Variants in MRTFB observed in about 807,000 individuals in gnomAD.
MRTFB encodes myocardin-related transcription factor B.
A neutral mutation model predicts 104.2 loss-of-function variants in MRTFB; 29 were observed. That is an observed-to-expected ratio of 0.28 (90% CI 0.21 to 0.38). The LOEUF is 0.38. Ranked by LOEUF, MRTFB falls within the 10% of genes least tolerant of loss-of-function variation. MRTFB has a pLI of 1.00. For synonymous variants in MRTFB, 535 were observed against 519.5 expected (o/e 1.03, Z -0.41); for missense variants, 1,270 against 1,341.6 (o/e 0.95, Z 0.83).
At chr16:14,201,830 A>G (rs1291612761) in intron 3 of MRTFB, among the ~76,000 whole-genome samples, 1 of 152,182 alleles carries the variant, frequency 6.6e-6, no homozygotes, top group African/African-American at 2.4e-5. Flanking sequence ...TTTTCTTGCT[A>G]TAATGGGGAT....
At chr16:14,080,509 T>A (rs779562497) in intron 2 of MRTFB, among the ~76,000 whole-genome samples, 4 of 152,226 alleles carry the variant, frequency 2.6e-5, no homozygotes, top group African/African-American at 4.8e-5. Context: ...TTACTCTCTT[T>A]GTATTTACTC....
At chr16:14,016,938 C>T in the MRTFB span, among the ~76,000 whole-genome samples, 1 of 151,978 alleles carries the variant, frequency 6.6e-6, no homozygotes, top group African/African-American at 2.4e-5. Flanking sequence ...CTGAGTATGT[C>T]ATTTAGTTTA....
chr16:14,086,593 A>G (rs993444358), intron 2 of MRTFB, among the ~76,000 whole-genome samples: 1 of 152,122 alleles, frequency 6.6e-6, no homozygotes. Flanking sequence ...GGCTGATGGT[A>G]TAATCTTGTA....
At chr16:14,141,845 T>G (rs542323907) in intron 3 of MRTFB, 2 of 152,018 alleles carry the variant, frequency 1.3e-5, no homozygotes, top group African/African-American at 2.4e-5. Flanking sequence ...ATAGGTGTTT[T>G]TTTTTTTTTT....
intron 2 of MRTFB, among the ~76,000 whole-genome samples, chr16:14,126,919 C>T (rs1414591817): frequency 6.6e-6 from 1 of 152,160 alleles, no homozygotes; most frequent in Non-Finnish European, 1.5e-5. Flanking sequence ...AGGAAACAAC[C>T]GTAGCTAAAA....
the MRTFB span, among the ~76,000 whole-genome samples, chr16:14,052,351 A>G: frequency 9.2e-5 from 14 of 152,310 alleles, no homozygotes; most frequent in African/African-American, 3.4e-4. Context: ...AGAATGTGTA[A>G]TGATCACATC....
chr16:14,006,419 G>A, the MRTFB span, among the ~76,000 whole-genome samples: 12 of 151,880 alleles, frequency 7.9e-5, no homozygotes, highest in Non-Finnish European at 1.3e-4. Context: ...CGGAGGCTGA[G>A]GCATAAGAAT....
the MRTFB span, among the ~76,000 whole-genome samples, chr16:14,017,200 G>T: frequency 2.0e-5 from 3 of 151,820 alleles, no homozygotes; most frequent in Admixed American, 6.6e-5. Flanking sequence ...GGGACTACAG[G>T]CGCCCGCCAC....
chr16:14,159,367 C>G (rs1315522605), intron 3 of MRTFB, among the ~76,000 whole-genome samples: 1 of 152,132 alleles, frequency 6.6e-6, no homozygotes, highest in Admixed American at 6.6e-5. Flanking sequence ...TTAAAAATTT[C>G]TCTAGTAGAA....
intron 3 of MRTFB, chr16:14,151,386 C>T (rs977694768): frequency 6.6e-6 from 1 of 152,126 alleles, no homozygotes; most frequent in Admixed American, 6.6e-5. Context: ...AATTTTCACA[C>T]ATCTCCAAAA....
At chr16:14,243,864 G>GTTTGTTTTTTTGTTTTTTTTTTTTTT (rs750881308) in intron 10 of MRTFB, among the ~76,000 whole-genome samples, 1 of 124,676 alleles carries the variant, frequency 8.0e-6, no homozygotes, top group African/African-American at 3.8e-5. Flanking sequence ...CCTGTTTTGG[G>GTTTGTTTTTTTGTTTTTTTTTTTTTT]TTTTTTTTTT....
intron 8 of MRTFB, among the ~76,000 whole-genome samples, chr16:14,220,707 C>T (rs1024539608): frequency 2.0e-5 from 3 of 152,218 alleles, no homozygotes; most frequent in Admixed American, 2.0e-4. Context: ...CATTAGTTTT[C>T]GTAGTACCTT....
chr16:14,011,336 AC>A, the MRTFB span, among the ~76,000 whole-genome samples: 13 of 152,290 alleles, frequency 8.5e-5, no homozygotes, highest in African/African-American at 2.6e-4. Flanking sequence ...ACCTCTCTGA[AC>A]CCCATTTCCA....
rs1336136485 is a variant in MRTFB, at chr16:14,252,270, G to A, written c.2566-95G>A. The A allele has an allele frequency of 2.6e-6, 4 of 1,510,254 alleles. No homozygotes were observed. In the African/African-American group the frequency reaches 5.6e-5, roughly 21 times the overall value. The allele number at this position is 1,510,254 out of a possible 1,614,324, so 93.6% of individuals were successfully genotyped here. A position where few individuals can be genotyped will look rare whatever the true frequency, so the allele number is the denominator to read the frequency against. The stretch of plus-strand genomic sequence containing the variant: ...AACCTGCTCATGAATTCCCTGATTT[G>A]GCCACTACATAGAGAACAGCAGAGC... On this transcript the variant is annotated intron_variant, in intron 14 of 16. Transcript: ENST00000571589.
chr16:14,240,968 A>G lies in MRTFB; in HGVS notation c.1079+484A>G, dbSNP rs929855978. On this transcript the variant is annotated intron_variant, in intron 10 of 16. Coordinates refer to ENST00000571589, the MANE Select transcript of MRTFB (RefSeq NM_001308142.2). ...TGAGCACTAGTACAGAGGAAGGAAT[A>G]GAGTAAGTAGTGCCTCTTCATTGGA... 6 of 540,390 alleles carry G rather than the reference A, an allele frequency of 1.1e-5. No individual in the cohort carries two copies. The African/African-American group carries it at 1.2e-4, about 10-fold the overall frequency. The allele number at this position is 540,390 out of a possible 1,614,324, so 33.5% of individuals were successfully genotyped here. A position where few individuals can be genotyped will look rare whatever the true frequency, so the allele number is the denominator to read the frequency against.
intron 10 of MRTFB, among the ~76,000 whole-genome samples, chr16:14,243,867 T>TG (rs200230152): frequency 1.8e-4 from 25 of 141,574 alleles, no homozygotes; most frequent in Admixed American, 6.7e-4. Flanking sequence ...GTTTTGGGTT[T>TG]TTTTTTTTTT....
chr16:14,257,991 T>C (rs962143308), intron 15 of MRTFB, 110 bp from the exon 16 acceptor site: 10 of 922,630 alleles, frequency 1.1e-5, no homozygotes, highest in Admixed American at 4.6e-5. Context: ...TTCAAAATTA[T>C]CACGATAGAT....
chr16:14,023,602 CACACACACAT>C, the MRTFB span, among the ~76,000 whole-genome samples: 5 of 94,782 alleles, frequency 5.3e-5, no homozygotes, highest in African/African-American at 2.2e-4. Flanking sequence ...CACACACACA[CACACACACAT>C]ACATATACAT....
At chr16:14,001,043 T>C in the MRTFB span, among the ~76,000 whole-genome samples, 49 of 152,286 alleles carry the variant, frequency 3.2e-4, no homozygotes, top group Admixed American at 3.3e-4. Flanking sequence ...TTTCCTATGC[T>C]GGTGTATGGG....
Sources: allele counts gnomAD v4.1 joint callset (sites outside exome capture counted in the v4.1 genomes callset), GRCh38; gene constraint gnomAD v4.1.1; transcripts MANE v1.5; gene names NCBI Gene and HGNC (gene_info 2026-07-23, HGNC 2026-07-21).